The following PHF3 variants were observed in gnomAD, a reference collection of about 807,000 sequenced individuals.
PHF3 encodes the protein PHD finger protein 3.
A neutral mutation model predicts 178.4 loss-of-function variants in PHF3; 41 were observed. The observed-to-expected ratio is 0.23, with a 90% CI of 0.18 to 0.30. The LOEUF (loss-of-function observed/expected upper bound fraction) is 0.30. Among genes scored for constraint, PHF3 ranks in the 10% least tolerant of loss-of-function variants. The pLI is 1.00. For synonymous variants in PHF3, 842 were observed against 800.5 expected (o/e 1.05, Z -0.88); for missense variants, 2,346 against 2,398.1 (o/e 0.98, Z 0.45).
chr6:63,712,441 C>G lies in PHF3; in HGVS notation c.4853C>G (p.Ser1618Cys), dbSNP rs773783440. ...NQTSNSSPCR[S>C]NVGKGNIDGN... ...ACTTCAAATAGTTCTCCATGCAGAT[C>G]TAATGTAGGAAAAGGAAACATAGAT... The change falls in exon 16 of 16, where the codon TCT (serine) becomes TGT (cysteine). Residue 1618 changes from serine to cysteine, a missense_variant. Around this residue, in one of 8 missense-constraint regions of PHF3, gnomAD observed 839 missense variants for 806.9 expected, o/e 1.04. Transcript: ENST00000262043. The G allele has an allele frequency of 1.2e-6, 2 of 1,613,818 alleles. No homozygotes were observed. The highest frequency in any genetic ancestry group is 1.7e-6 in the Non-Finnish European group (2 of 1,179,948).
chr6:63,665,202 T>A (rs1765629357), intron 2 of PHF3, among the ~76,000 whole-genome samples: 1 of 152,130 alleles, frequency 6.6e-6, no homozygotes, highest in African/African-American at 2.4e-5. Flanking sequence ...AAAGAGTTTC[T>A]TTCTTATCAC....
chr6:63,683,211 GA>G (rs1224220070), intron 3 of PHF3, among the ~76,000 whole-genome samples: 1 of 151,728 alleles, frequency 6.6e-6, no homozygotes, highest in Non-Finnish European at 1.5e-5. Context: ...ATTAATACTA[GA>G]TCAGAACTAC....
Position 63,698,474 on chromosome 6 carries a change from C to T in PHF3, c.2851C>T (p.Pro951Ser). The change falls in exon 8 of 16, where the codon CCA becomes TCA. Residue 951 changes from proline (P) to serine (S), a missense_variant. This residue lies in a region of PHF3 where 252 missense variants were observed against 232.0 expected (regional missense o/e 1.09). Transcript: ENST00000262043. ...KRLTDSNLKV[P>S]EEKAAKVATK... The stretch of plus-strand genomic sequence containing the variant: ...ACTTACAGACTCAAATTTGAAGGTA[C>T]CAGAGGAAAAGGCAGCAAAAGTTGC... 3 of 1,598,058 alleles carry T rather than the reference C, an allele frequency of 1.9e-6. No homozygotes were observed. The highest frequency in any genetic ancestry group is 2.6e-6 in the Non-Finnish European group (3 of 1,174,114).
Position 63,721,439 on chromosome 6 carries a change from T to C in PHF3, c.*7731T>C, listed in dbSNP as rs1296880177. 2.6e-6 allele frequency: 4 copies of C among 1,551,536 alleles called. No individual in the cohort carries two copies. In the Admixed American group the frequency reaches 7.8e-5, roughly 30 times the overall value. ...CACCTACATTTGAGCCACCTTTTGC[T>C]CCAAATTCAGTTAATTGTAATTCTT... On this transcript the variant is annotated 3_prime_UTR_variant, in exon 16 of 16. Coordinates refer to ENST00000262043, the MANE Select transcript of PHF3 (RefSeq NM_001370348.2).
At chr6:63,710,367 A>AT (rs1257523820) in intron 14 of PHF3, among the ~76,000 whole-genome samples, 1 of 152,160 alleles carries the variant, frequency 6.6e-6, no homozygotes, top group Non-Finnish European at 1.5e-5. Flanking sequence ...TTTACTCTAA[A>AT]AGAGGGCAGT....
At chr6:63,667,278 A>G (rs545069497) in intron 2 of PHF3, among the ~76,000 whole-genome samples, 38 of 152,324 alleles carry the variant, frequency 2.5e-4, no homozygotes, top group African/African-American at 8.4e-4. Flanking sequence ...AATGAGATAT[A>G]TGCTATTTAG....
At position 63,684,488 on chromosome 6, in the gene PHF3, T is replaced by C; in HGVS notation, c.766T>C (p.Ser256Pro). The C allele has an allele frequency of 1.2e-6, 2 of 1,613,828 alleles. No individual in the cohort carries two copies. The highest frequency in any genetic ancestry group is 1.7e-6 in the Non-Finnish European group (2 of 1,179,794). The change falls in exon 4 of 16, where the codon TCA becomes CCA. Residue 256 changes from serine to proline, a missense_variant. Physicochemically the swap from Ser to Pro is moderately conservative, Grantham distance 74 (BLOSUM62 -1). This residue lies in a region of PHF3 where 843 missense variants were observed against 795.2 expected (regional missense o/e 1.06). Transcript: ENST00000262043. ...TGTGCCATCTCATGAATTAAATTGTTCACTTCTTTCAGAGACTTGTGTTAC... is the reference window on the plus strand; with the variant it reads ...TGTGCCATCTCATGAATTAAATTGTCCACTTCTTTCAGAGACTTGTGTTAC... ...IDVPSHELNC[S>P]LLSETCVTIG...
intron 4 of PHF3, among the ~76,000 whole-genome samples, chr6:63,687,849 C>CAATCT (rs969164954): frequency 3.3e-5 from 5 of 152,116 alleles, no homozygotes; most frequent in Non-Finnish European, 7.4e-5. Flanking sequence ...TGTTTTTGCT[C>CAATCT]AAGTCTGTAG....
At chr6:63,636,341 C>G (rs1394030105) in intron 1 of PHF3, 191 bp downstream of exon 1, 7 of 163,608 alleles carry the variant, frequency 4.3e-5, no homozygotes, top group African/African-American at 1.4e-4. Context: ...CTGGGCCGCG[C>G]CGCTGGCGCC....
Position 63,720,565 on chromosome 6 carries a change from T to G in PHF3, c.*6857T>G, listed in dbSNP as rs1351859991. The stretch of plus-strand genomic sequence containing the variant: ...AACTATCAAAATAACTGCATTTATG[T>G]ATAGTGTGTACTAAAATCTCTAGTG... On this transcript the variant is annotated 3_prime_UTR_variant, in exon 16 of 16. Transcript: ENST00000262043. The G allele has an allele frequency of 1.4e-6, 2 of 1,407,386 alleles. No homozygotes were observed. Among genetic ancestry groups the G allele is most frequent in the East Asian group, 2.5e-5 (1 of 39,988 alleles). 87.2% of individuals were successfully genotyped at this position (1,407,386 alleles called of 1,614,324 possible).
At chr6:63,650,183 C>T (rs1764962540) in intron 2 of PHF3, among the ~76,000 whole-genome samples, 1 of 152,134 alleles carries the variant, frequency 6.6e-6, no homozygotes, top group Non-Finnish European at 1.5e-5. Flanking sequence ...GAAACATGAG[C>T]CTTTCATTCA....
rs574174308 is a variant in PHF3, at chr6:63,637,452, A to G, written c.-26+1302A>G. On this transcript the variant is annotated intron_variant, in intron 1 of 15. Coordinates refer to ENST00000262043, the MANE Select transcript of PHF3 (RefSeq NM_001370348.2). ...GAGTCAAAGCACCAGAAACTTTTCT[A>G]TTGTAGCATACTTATGTTTTTGAAT... Among the ~76,000 whole-genome samples, 5 of 152,312 alleles carry G rather than the reference A, an allele frequency of 3.3e-5. No homozygotes were observed. In the South Asian group the frequency reaches 1.0e-3, roughly 32 times the overall value.
chr6:63,664,513 T>C (rs772219433), intron 2 of PHF3, among the ~76,000 whole-genome samples: 3 of 152,230 alleles, frequency 2.0e-5, no homozygotes, highest in Non-Finnish European at 4.4e-5. Flanking sequence ...CCAGTATTTT[T>C]ACGTGTATTT....
intron 3 of PHF3, among the ~76,000 whole-genome samples, chr6:63,683,928 T>C (rs745657124): frequency 6.6e-6 from 1 of 152,092 alleles, no homozygotes; most frequent in African/African-American, 2.4e-5. Context: ...CAGAGAACTT[T>C]GATAAATATA....
intron 2 of PHF3, among the ~76,000 whole-genome samples, chr6:63,676,362 A>G (rs1262127046): frequency 6.6e-6 from 1 of 152,222 alleles, no homozygotes; most frequent in Non-Finnish European, 1.5e-5. Flanking sequence ...ATTTTAAAGG[A>G]TAAAGTATGC....
intron 1 of PHF3, among the ~76,000 whole-genome samples, chr6:63,640,943 C>T (rs2149534394): frequency 6.6e-6 from 1 of 152,182 alleles, no homozygotes; most frequent in Middle Eastern, 3.4e-3. Flanking sequence ...CCAAAAATGT[C>T]TCTAGACATG....
chr6:63,706,263 A>G, intron 12 of PHF3, 39 bp downstream of exon 12: 1 of 1,475,142 alleles, frequency 6.8e-7, no homozygotes, highest in Non-Finnish European at 9.2e-7. Context: ...TACTCATTAT[A>G]GATCTTTGCC....
chr6:63,663,104 G>A (rs1554149841), intron 2 of PHF3, among the ~76,000 whole-genome samples: 1 of 152,126 alleles, frequency 6.6e-6, no homozygotes, highest in Non-Finnish European at 1.5e-5. Context: ...CTTTTCCTTT[G>A]TCTAATTAGC....
chr6:63,692,909 A>G (rs1382810567), intron 5 of PHF3, among the ~76,000 whole-genome samples: 1 of 152,204 alleles, frequency 6.6e-6, no homozygotes, highest in African/African-American at 2.4e-5. Context: ...CACGATATGG[A>G]AGTTAATTTA....
Sources: gnomAD v4.1 joint callset for allele counts (sites outside exome capture counted in the v4.1 genomes callset) on GRCh38, gnomAD v4.1.1 for gene constraint, gnomAD v4.1.1 regional missense constraint, MANE v1.5 for transcripts, NCBI Gene and HGNC (gene_info 2026-07-23, HGNC 2026-07-21) for gene names.